Variants in RBM12B observed in about 807,000 individuals in gnomAD.
RBM12B encodes the protein RNA binding motif protein 12B.
Under a neutral mutation model 34.3 loss-of-function variants are expected in RBM12B, and 10 were observed. The observed-to-expected ratio is 0.29, with a 90% CI of 0.18 to 0.49. The LOEUF (loss-of-function observed/expected upper bound fraction) is 0.49. Among genes scored for constraint, RBM12B ranks in the 20% least tolerant of loss-of-function variants. The pLI, the probability that RBM12B is intolerant of heterozygous loss-of-function variation, is 0.99. For synonymous variants in RBM12B, 477 were observed against 437.1 expected (o/e 1.09, Z -1.14); for missense variants, 1,139 against 1,262.7 (o/e 0.90, Z 1.48).
intron 3 of RBM12B, among the ~76,000 whole-genome samples, chr8:93,736,675 TCTATA>T (rs1233066027): frequency 6.6e-6 from 1 of 152,216 alleles, no homozygotes; most frequent in Non-Finnish European, 1.5e-5. Context: ...TATCACCTAT[TCTATA>T]CAATAGGAAC....
rs1586309666 is a variant in RBM12B at position 93,734,071 on chromosome 8, C to T, written c.2340G>A (p.Arg780=). The T allele has an allele frequency of 6.3e-7, 1 of 1,576,654 alleles. No homozygotes were observed. The highest frequency in any genetic ancestry group is 8.6e-7 in the Non-Finnish European group (1 of 1,164,556). The change falls in exon 4 of 4, where the codon CGG becomes CGA. Residue 780 remains arginine, a synonymous_variant. Transcript: ENST00000520560. The part of the protein sequence containing the change: ...HFRRPPPEHF[R]RPPQEHFRRP... ...GCCTGAAATGCTCCTGGGGCGGTCTCCGGAAGTGCTCCGGGGGCGGGCGCC... is the reference window on the plus strand; with the variant it reads ...GCCTGAAATGCTCCTGGGGCGGTCTTCGGAAGTGCTCCGGGGGCGGGCGCC...
Position 93,735,404 on chromosome 8 carries a change from T to G in RBM12B, c.1007A>C (p.Asp336Ala), listed in dbSNP as rs1434423141. The G allele has an allele frequency of 6.2e-7, 1 of 1,613,216 alleles. No homozygotes were observed. The highest frequency in any genetic ancestry group is 8.5e-7 in the Non-Finnish European group (1 of 1,179,406). ...ATGTAAACTCAGAGCGGTATTATAG[T>G]CTTTCAGAGTCTTGAACATCACAAA... ...YAFVMFKTLKDYNTALSLHKT... is the reference protein window; with the variant it reads ...YAFVMFKTLKAYNTALSLHKT... Residue 336 changes from aspartate to alanine, a missense_variant, in exon 4 of 4, where the codon GAC becomes GCC. By Grantham distance (126) the Asp-to-Ala change is moderately radical. This residue lies in a region of RBM12B where 863 missense variants were observed against 869.5 expected (regional missense o/e 0.99). Coordinates refer to ENST00000520560, the MANE Select transcript of RBM12B (RefSeq NM_001377960.1).
rs187155782 is a variant in RBM12B, at chr8:93,740,206, T to C, written c.-78+423A>G. 18 of 424,916 alleles carry C rather than the reference T, an allele frequency of 4.2e-5. No individual in the cohort carries two copies. In the East Asian group the frequency reaches 7.2e-4, roughly 17 times the overall value. 26.3% of individuals were successfully genotyped at this position (424,916 alleles called of 1,614,324 possible). A position where few individuals can be genotyped will look rare whatever the true frequency, so the allele number is the denominator to read the frequency against. On this transcript the variant is annotated intron_variant, in intron 2 of 3. Coordinates refer to ENST00000520560, the MANE Select transcript of RBM12B (RefSeq NM_001377960.1). ...AAATAAAAACCAAAGGAATGACCAA[T>C]GAGAGCCACAGTCCCTAGGAAGAAC... is the stretch of plus-strand genomic sequence containing the variant.
Position 93,731,431 on chromosome 8 carries a change from C to G in RBM12B, c.*1974G>C, listed in dbSNP as rs1811787774. ...CTTCATTGTGCTTGGTTTGGATATTCCAAACAATCAATTTAACATTATCCT... is the reference window on the plus strand; with the variant it reads ...CTTCATTGTGCTTGGTTTGGATATTGCAAACAATCAATTTAACATTATCCT... On this transcript the variant is annotated 3_prime_UTR_variant, in exon 4 of 4. Coordinates refer to ENST00000520560, the MANE Select transcript of RBM12B (RefSeq NM_001377960.1). The G allele has an allele frequency of 6.6e-6, 1 of 152,134 alleles. No individual in the cohort carries two copies. Among genetic ancestry groups the G allele is most frequent in the Non-Finnish European group, 1.5e-5 (1 of 68,024 alleles). The allele number at this position is 152,134 out of a possible 1,614,324, so 9.4% of individuals were successfully genotyped here.
At position 93,735,554 on chromosome 8, in the gene RBM12B, A is replaced by G. The variant is rs759400089; in HGVS notation, c.857T>C (p.Val286Ala). The change falls in exon 4 of 4, where the codon GTT becomes GCT. Residue 286 changes from valine to alanine, a missense_variant. By Grantham distance (64) the Val-to-Ala change is moderately conservative. Around this residue, in one of 3 missense-constraint regions of RBM12B, gnomAD observed 863 missense variants for 869.5 expected, o/e 0.99. Coordinates refer to ENST00000520560, the MANE Select transcript of RBM12B (RefSeq NM_001377960.1). ...TRSRSPLGFYVHLKNLSLSID... is the reference protein window; with the variant it reads ...TRSRSPLGFYAHLKNLSLSID... ...ACTGAGGGACAGATTTTTTAAGTGA[A>G]CATAAAATCCAAGAGGGGAACGAGA... The G allele has an allele frequency of 6.2e-7, 1 of 1,614,188 alleles. No homozygotes were observed. The highest frequency in any genetic ancestry group is 1.1e-5 in the South Asian group (1 of 91,084).
chr8:93,733,385 A>G lies in RBM12B; in HGVS notation c.*20T>C. On this transcript the variant is annotated 3_prime_UTR_variant, in exon 4 of 4. Transcript: ENST00000520560. ...ATCAATACTGCAAGGAAGATAACTG[A>G]ATTTAGAAATGCTCTCTCTCTACAG... The G allele has an allele frequency of 6.6e-7, 1 of 1,504,640 alleles. No individual in the cohort carries two copies. The highest frequency in any genetic ancestry group is 8.9e-7 in the Non-Finnish European group (1 of 1,127,756). The allele number at this position is 1,504,640 out of a possible 1,614,324, so 93.2% of individuals were successfully genotyped here. A position where few individuals can be genotyped will look rare whatever the true frequency, so the allele number is the denominator to read the frequency against.
In RBM12B at chr8:93,733,550, G is replaced by C; in HGVS notation, c.2861C>G (p.Ser954Ter). 1 of 1,613,472 alleles carries C rather than the reference G, an allele frequency of 6.2e-7. No individual in the cohort carries two copies. Among genetic ancestry groups the C allele is most frequent in the Non-Finnish European group, 8.5e-7 (1 of 1,179,594 alleles). The change falls in exon 4 of 4, where the codon TCA becomes TGA. Residue 954 changes from serine (S) to a stop codon, truncating the protein, a stop_gained. Transcript: ENST00000520560. LOFTEE classifies it high-confidence loss of function. The part of the protein sequence containing the change: ...FFHGYRIIPD[S>*]VSIQYNEQGL... ...TTGCTCATTATACTGTATCGAAACT[G>C]AATCAGGTATGATTCTGTAACCATG...
In RBM12B at chr8:93,733,221, G is replaced by T; in HGVS notation, c.*184C>A. 1.8e-5 allele frequency: 7 copies of T among 381,424 alleles called. No individual in the cohort carries two copies. Among genetic ancestry groups the T allele is most frequent in the Admixed American group, 4.6e-5 (1 of 21,640 alleles). The allele number at this position is 381,424 out of a possible 1,614,324, so 23.6% of individuals were successfully genotyped here. ...TAATTTTAAATTTGAAAAAAAAAAA[G>T]AATGGCAATTTGCAAGCAAAAGAAA... On this transcript the variant is annotated 3_prime_UTR_variant, in exon 4 of 4. Coordinates refer to ENST00000520560, the MANE Select transcript of RBM12B (RefSeq NM_001377960.1).
At chr8:93,737,776 T>C (rs892077189) in intron 2 of RBM12B, among the ~76,000 whole-genome samples, 2 of 146,902 alleles carry the variant, frequency 1.4e-5, no homozygotes, top group African/African-American at 5.0e-5. Flanking sequence ...CAAAAAACTG[T>C]TCTACAAGTA....
At position 93,735,683 on chromosome 8, in the gene RBM12B, T is replaced by G; in HGVS notation, c.728A>C (p.Glu243Ala). The G allele has an allele frequency of 6.2e-7, 1 of 1,614,174 alleles. No homozygotes were observed. The highest frequency in any genetic ancestry group is 2.2e-5 in the East Asian group (1 of 44,870). The change falls in exon 4 of 4, where the codon GAG becomes GCG. Residue 243 changes from glutamate (E) to alanine (A), a missense_variant. Physicochemically the swap from Glu to Ala is moderately radical, Grantham distance 107. This residue lies in a region of RBM12B where 863 missense variants were observed against 869.5 expected (regional missense o/e 0.99). Transcript: ENST00000520560. ...WIEFGGNAVK[E>A]GDVLRRSEEH... ...TTCAGATCTCCTAAGAACGTCACCC[T>G]CCTTAACTGCATTACCACCAAACTC...
At position 93,734,557 on chromosome 8, in the gene RBM12B, GTCC is replaced by G; in HGVS notation, c.1851_1853del (p.Glu617del). 2 of 1,613,034 alleles carry G rather than the reference GTCC, an allele frequency of 1.2e-6. No homozygotes were observed. Among genetic ancestry groups the G allele is most frequent in the Non-Finnish European group, 1.7e-6 (2 of 1,179,698 alleles). On this transcript the variant is annotated inframe_deletion, in exon 4 of 4. Coordinates refer to ENST00000520560, the MANE Select transcript of RBM12B (RefSeq NM_001377960.1). ...AGTCCTCCTCAAGGGGCCTCCTCCAGTCCTCCTCCCTAGGGTGCCTGAAGTCAT... is the reference window on the plus strand; with the variant it reads ...AGTCCTCCTCAAGGGGCCTCCTCCAGTCCTCCCTAGGGTGCCTGAAGTCAT...
Position 93,733,251 on chromosome 8 carries a change from G to T in RBM12B, c.*154C>A. The T allele has an allele frequency of 2.0e-6, 1 of 501,196 alleles. No individual in the cohort carries two copies. Among genetic ancestry groups the T allele is most frequent in the Non-Finnish European group, 3.1e-6 (1 of 319,038 alleles). The allele number at this position is 501,196 out of a possible 1,614,324, so 31.0% of individuals were successfully genotyped here. ...GCAATTTGCAAGCAAAAGAAAACCA[G>T]ATTCACATTCTACTATTTACATTTG... On this transcript the variant is annotated 3_prime_UTR_variant, in exon 4 of 4. Transcript: ENST00000520560.
intron 3 of RBM12B, 86 bp from the exon 4 acceptor site, chr8:93,736,524 G>T (rs1030601160): frequency 4.0e-6 from 4 of 996,782 alleles, no homozygotes; most frequent in African/African-American, 3.3e-5. Flanking sequence ...CCTGGTTCCT[G>T]CTTTCTTCAA....
At position 93,730,490 on chromosome 8, in the gene RBM12B, T is replaced by G. The variant is rs565287817; in HGVS notation, c.*2915A>C. 1 of 152,174 alleles carries G rather than the reference T, an allele frequency of 6.6e-6. No individual in the cohort carries two copies. The highest frequency in any genetic ancestry group is 2.1e-4 in the South Asian group (1 of 4,830). The allele number at this position is 152,174 out of a possible 1,614,324, so 9.4% of individuals were successfully genotyped here. A position where few individuals can be genotyped will look rare whatever the true frequency, so the allele number is the denominator to read the frequency against. ...ACACCTCCAGTGTACCTGGTATACC[T>G]TGAGGATAGGAGAGGAAAAACTGGC... On this transcript the variant is annotated 3_prime_UTR_variant, in exon 4 of 4. Transcript: ENST00000520560.
At chr8:93,739,992 G>T in intron 2 of RBM12B, 1 of 295,874 alleles carries the variant, frequency 3.4e-6, no homozygotes, top group Non-Finnish European at 6.6e-6. Context: ...TTTAACTAGC[G>T]AAGAAAAAGT....
intron 2 of RBM12B, chr8:93,739,260 A>G (rs1320532031): frequency 1.3e-5 from 2 of 152,238 alleles, no homozygotes; most frequent in Non-Finnish European, 2.9e-5. Flanking sequence ...TTCATCTACA[A>G]GAGAAATTAG....
Position 93,735,705 on chromosome 8 carries a change from A to T in RBM12B, c.706T>A (p.Phe236Ile). 1 of 1,614,064 alleles carries T rather than the reference A, an allele frequency of 6.2e-7. No homozygotes were observed. The highest frequency in any genetic ancestry group is 8.5e-7 in the Non-Finnish European group (1 of 1,180,000). Reference protein sequence around the residue: ...MQGSEQQWIEFGGNAVKEGDV... With the variant: ...MQGSEQQWIEIGGNAVKEGDV... ...CCCTCCTTAACTGCATTACCACCAAACTCAATCCACTGTTGTTCTGATCCT... is the reference window on the plus strand; with the variant it reads ...CCCTCCTTAACTGCATTACCACCAATCTCAATCCACTGTTGTTCTGATCCT... The change falls in exon 4 of 4, where the codon TTT becomes ATT. Residue 236 changes from phenylalanine to isoleucine, a missense_variant. This residue lies in a region of RBM12B where 863 missense variants were observed against 869.5 expected (regional missense o/e 0.99). Coordinates refer to ENST00000520560, the MANE Select transcript of RBM12B (RefSeq NM_001377960.1).
Position 93,735,284 on chromosome 8 carries a change from C to T in RBM12B, c.1127G>A (p.Gly376Glu), listed in dbSNP as rs1489479116. ...FIARYEKKRS[G>E]SLERDRPGHV... ...TCCGGGCCTATCTCTCTCTAGTGAC[C>T]CTGATCTCTTCTTTTCATAACGTGC... Residue 376 changes from glycine to glutamate, a missense_variant, in exon 4 of 4, where the codon GGG (glycine) becomes GAG (glutamate). Physicochemically the swap from Gly to Glu is moderately conservative, Grantham distance 98. Around this residue, in one of 3 missense-constraint regions of RBM12B, gnomAD observed 863 missense variants for 869.5 expected, o/e 0.99. Transcript: ENST00000520560. 7 of 1,613,770 alleles carry T rather than the reference C, an allele frequency of 4.3e-6. No individual in the cohort carries two copies. In the African/African-American group the frequency reaches 8.0e-5, roughly 18 times the overall value.
At position 93,735,176 on chromosome 8, in the gene RBM12B, G is replaced by C. The variant is rs1586311958; in HGVS notation, c.1235C>G (p.Thr412Arg). The change falls in exon 4 of 4, where the codon ACA becomes AGA. Residue 412 changes from threonine to arginine, a missense_variant. By Grantham distance (71) the Thr-to-Arg change is moderately conservative. Coordinates refer to ENST00000520560, the MANE Select transcript of RBM12B (RefSeq NM_001377960.1). ...AAAGAACTTCTGCACTTCAACTTTT[G>C]TAACATCAAATGGAAAATTTCTTAT... ...IYIRNFPFDV[T>R]KVEVQKFFAD... The C allele has an allele frequency of 2.5e-6, 4 of 1,614,048 alleles. No individual in the cohort carries two copies. The highest frequency in any genetic ancestry group is 2.2e-5 in the East Asian group (1 of 44,874).
Sources: gnomAD v4.1 joint callset for allele counts (sites outside exome capture counted in the v4.1 genomes callset) on GRCh38, gnomAD v4.1.1 for gene constraint, gnomAD v4.1.1 regional missense constraint, MANE v1.5 for transcripts, NCBI Gene and HGNC (gene_info 2026-07-23, HGNC 2026-07-21) for gene names.